Variants in FGF14 observed in about 807,000 individuals in gnomAD.
The protein encoded by FGF14 is fibroblast growth factor homologous factor 4.
A neutral mutation model predicts 25.5 loss-of-function variants in FGF14; 5 were observed. The ratio of observed to expected loss-of-function variants is 0.20; its 90% CI spans 0.10 to 0.41. The LOEUF is 0.41. Ranked by LOEUF, FGF14 falls within the 10% of genes least tolerant of loss-of-function variation. The pLI is 1.00. For synonymous variants in FGF14, 138 were observed against 118.3 expected, an observed-to-expected ratio of 1.17 and a Z score of -1.08; for missense variants, 222 against 320.1, an observed-to-expected ratio of 0.69 and a Z score of 2.34.
intron 1 of FGF14, among the ~76,000 whole-genome samples, chr13:102,041,628 T>G (rs951061377): frequency 4.6e-5 from 7 of 151,666 alleles, no homozygotes; most frequent in African/African-American, 1.7e-4. Flanking sequence ...TTTCCTTTAC[T>G]TGAACTAGAA....
chr13:102,048,733 T>C (rs2042097535), intron 1 of FGF14, among the ~76,000 whole-genome samples: 2 of 152,198 alleles, frequency 1.3e-5, no homozygotes, highest in African/African-American at 4.8e-5. Context: ...AAGAATGACA[T>C]TGACCTTTGG....
At chr13:102,147,553 C>T in intron 1 of FGF14, among the ~76,000 whole-genome samples, 1 of 152,248 alleles carries the variant, frequency 6.6e-6, no homozygotes, top group South Asian at 2.1e-4. Flanking sequence ...TGCAGAGATA[C>T]AAAAGATTAC....
chr13:101,969,759 A>G (rs945951857), intron 1 of FGF14, among the ~76,000 whole-genome samples: 3 of 152,208 alleles, frequency 2.0e-5, no homozygotes, highest in Non-Finnish European at 4.4e-5. Context: ...CCAATTAGAA[A>G]AAAGGAATTT....
At chr13:102,003,891 C>T (rs774293130) in intron 1 of FGF14, among the ~76,000 whole-genome samples, 13 of 152,260 alleles carry the variant, frequency 8.5e-5, no homozygotes, top group Middle Eastern at 3.4e-3. Flanking sequence ...AAATCGAAGA[C>T]ACCACTCAGT....
chr13:101,907,575 G>A (rs530008706), intron 1 of FGF14, among the ~76,000 whole-genome samples: 1 of 152,254 alleles, frequency 6.6e-6, no homozygotes, highest in South Asian at 2.1e-4. Flanking sequence ...TGTTACTGGG[G>A]ACAAACACCT....
At chr13:101,818,965 T>C (rs188942582) in intron 3 of FGF14, among the ~76,000 whole-genome samples, 1 of 152,276 alleles carries the variant, frequency 6.6e-6, no homozygotes, top group East Asian at 1.9e-4. Context: ...TGTTCCCTTA[T>C]TGTGAAGCTT....
At chr13:102,091,234 G>A (rs1430515573) in intron 1 of FGF14, among the ~76,000 whole-genome samples, 5 of 152,208 alleles carry the variant, frequency 3.3e-5, no homozygotes, top group Admixed American at 6.5e-5. Flanking sequence ...TTTGTCTCTC[G>A]GTTCTAAACT....
rs542729357 is a variant in FGF14, at chr13:101,933,877, A to T, written c.209-58581T>A. On this transcript the variant is annotated intron_variant, in intron 1 of 4. Coordinates refer to the FGF14 transcript ENST00000376131. ...TCATATGTATATATATTTGACAAAT[A>T]ATACTTTATATATGTGTGACTGTGT... Among the ~76,000 whole-genome samples the T allele has an allele frequency of 7.2e-5, 11 of 152,332 alleles. No homozygotes were observed. The East Asian group carries it at 2.1e-3, about 29-fold the overall frequency.
chr13:102,136,319 T>C (rs2046407831), intron 1 of FGF14, among the ~76,000 whole-genome samples: 1 of 152,156 alleles, frequency 6.6e-6, no homozygotes, highest in Non-Finnish European at 1.5e-5. Flanking sequence ...ATCATAATTA[T>C]TACCTGTGTT....
At chr13:102,030,713 C>G (rs2041166442) in intron 1 of FGF14, among the ~76,000 whole-genome samples, 1 of 151,990 alleles carries the variant, frequency 6.6e-6, no homozygotes, top group South Asian at 2.1e-4. Flanking sequence ...GAGTCCCGCA[C>G]AGGGACTTCG....
chr13:102,395,829 A>T (rs191141232), intron 1 of FGF14: 7 of 152,346 alleles, frequency 4.6e-5, no homozygotes, highest in African/African-American at 1.7e-4. Flanking sequence ...ACTGTTCCCT[A>T]TAAAACATGT....
chr13:102,105,034 C>A (rs549599502), intron 1 of FGF14, among the ~76,000 whole-genome samples: 1 of 152,182 alleles, frequency 6.6e-6, no homozygotes, highest in Non-Finnish European at 1.5e-5. Context: ...ATGACTTATG[C>A]AAAGGAAAAT....
At chr13:101,729,827 C>T (rs912906676) in intron 3 of FGF14, among the ~76,000 whole-genome samples, 2 of 151,802 alleles carry the variant, frequency 1.3e-5, no homozygotes, top group Non-Finnish European at 2.9e-5. Context: ...ATGAAATATA[C>T]CAAGATAAAT....
upstream of FGF14, among the ~76,000 whole-genome samples, chr13:101,917,188 C>T (rs953013008): frequency 2.0e-5 from 3 of 151,826 alleles, no homozygotes; most frequent in African/African-American, 7.2e-5. Flanking sequence ...CGGCGCCGCC[C>T]GCTCTCGGCT....
At chr13:101,934,438 G>A (rs918882960) in intron 1 of FGF14, among the ~76,000 whole-genome samples, 11 of 152,160 alleles carry the variant, frequency 7.2e-5, no homozygotes, top group African/African-American at 1.9e-4. Context: ...TTTTGTCTCT[G>A]AGGTGGGAGA....
intron 1 of FGF14, among the ~76,000 whole-genome samples, chr13:102,358,479 G>A (rs1159340769): frequency 6.6e-6 from 1 of 152,176 alleles, no homozygotes; most frequent in African/African-American, 2.4e-5. Context: ...ACCAGCAAAG[G>A]TCGAGAGTGC....
At chr13:102,112,248 C>G (rs2045266782) in intron 1 of FGF14, among the ~76,000 whole-genome samples, 1 of 152,140 alleles carries the variant, frequency 6.6e-6, no homozygotes, top group Non-Finnish European at 1.5e-5. Context: ...CCCAGGTAGT[C>G]CATCTCATAA....
chr13:102,376,919 C>G (rs2058053568), intron 1 of FGF14, among the ~76,000 whole-genome samples: 1 of 152,078 alleles, frequency 6.6e-6, no homozygotes, highest in Admixed American at 6.6e-5. Context: ...CCATGGGCAC[C>G]AAGTGTGAGG....
At chr13:102,076,528 A>G (rs2043370540) in intron 1 of FGF14, among the ~76,000 whole-genome samples, 1 of 152,208 alleles carries the variant, frequency 6.6e-6, no homozygotes, top group Non-Finnish European at 1.5e-5. Flanking sequence ...CCCCATTGTT[A>G]AGCAACACAC....
Sources: allele counts gnomAD v4.1 joint callset (sites outside exome capture counted in the v4.1 genomes callset), GRCh38; gene constraint gnomAD v4.1.1; transcripts MANE v1.5; gene names NCBI Gene and HGNC (gene_info 2026-07-23, HGNC 2026-07-21).